CCDC97: variants seen among roughly 807,000 people sequenced by gnomAD.
CCDC97 encodes the protein coiled-coil domain-containing protein 97.
A neutral mutation model predicts 33.9 loss-of-function variants in CCDC97; 27 were observed. The observed-to-expected ratio is 0.80, with a 90% CI of 0.59 to 1.10. CCDC97 has a LOEUF of 1.10. Among genes scored for constraint, CCDC97 ranks in the 50% least tolerant of loss-of-function variants. The pLI is 0.00. For missense variants in CCDC97, 422 were observed against 476.6 expected, an observed-to-expected ratio of 0.89 and a Z score of 1.07; for synonymous variants, 217 against 194.0, an observed-to-expected ratio of 1.12 and a Z score of -0.99.
At position 41,324,204 on chromosome 19, in the gene CCDC97, G is replaced by A. The variant is rs2037858804; in HGVS notation, c.*1489G>A. The A allele has an allele frequency of 6.6e-6, 1 of 152,240 alleles. No individual in the cohort carries two copies. The highest frequency in any genetic ancestry group is 1.5e-5 in the Non-Finnish European group (1 of 68,054). The allele number at this position is 152,240 out of a possible 1,614,324, so 9.4% of individuals were successfully genotyped here. On this transcript the variant is annotated 3_prime_UTR_variant, in exon 5 of 5. Transcript: ENST00000269967. ...ATTAAAGAACGAAAGCCTCTGCTAC[G>A]GAGCGCTTCTGTCCTCTGTCAGGCC...
rs1197622553 is a variant in CCDC97 at position 41,310,272 on chromosome 19, G to A, written c.-39G>A. 1.3e-6 allele frequency: 2 copies of A among 1,575,684 alleles called. No homozygotes were observed. The highest frequency in any genetic ancestry group is 2.7e-5 in the African/African-American group (2 of 74,092). ...GTGCGTGGGCCGGAGGTTAGTGTGC[G>A]GGGCCCGCCGGGCGGTTGAAAAGTC... is the stretch of plus-strand genomic sequence containing the variant. On this transcript the variant is annotated 5_prime_UTR_variant, in exon 1 of 5. Coordinates refer to ENST00000269967, the MANE Select transcript of CCDC97 (RefSeq NM_052848.3).
rs1243129487 is a variant in CCDC97, at chr19:41,316,598, G to C, written c.261G>C (p.Leu87Phe). 6.2e-7 allele frequency: 1 copy of C among 1,614,238 alleles called. No homozygotes were observed. Among genetic ancestry groups the C allele is most frequent in the South Asian group, 1.1e-5 (1 of 91,084 alleles). The change falls in exon 2 of 5, where the codon TTG (leucine) becomes TTC (phenylalanine). Residue 87 changes from leucine to phenylalanine, a missense_variant. Coordinates refer to ENST00000269967, the MANE Select transcript of CCDC97 (RefSeq NM_052848.3). Reference protein sequence around the residue: ...VCSQQQGEPDLTEHEKVAILA... With the variant: ...VCSQQQGEPDFTEHEKVAILA... ...GCCAGCAGCAGGGTGAACCCGACTT[G>C]ACAGAGCATGAGAAAGTGGCCATCC...
chr19:41,316,331 C>T (rs1408185155), intron 1 of CCDC97, 53 bp from the exon 2 acceptor site: 1 of 1,417,594 alleles, frequency 7.1e-7, no homozygotes, highest in Non-Finnish European at 9.8e-7. Context: ...ACTAAGCCCC[C>T]AGTCCCTTCC....
chr19:41,321,415 T>C (rs1319491739), intron 4 of CCDC97, among the ~76,000 whole-genome samples: 1 of 152,242 alleles, frequency 6.6e-6, no homozygotes, highest in Non-Finnish European at 1.5e-5. Context: ...GACCACAGTG[T>C]GTTGCCTCGG....
At chr19:41,311,071 A>G (rs1026025412) in intron 1 of CCDC97, 3 of 188,324 alleles carry the variant, frequency 1.6e-5, no homozygotes, top group Admixed American at 1.3e-4. Context: ...GAAATTTTCT[A>G]AAAATAAAAA....
rs1193074741 is a variant in CCDC97, at chr19:41,322,946, GTGTC to G, written c.*238_*241del. The G allele has an allele frequency of 1.3e-5, 5 of 380,678 alleles. No individual in the cohort carries two copies. Among genetic ancestry groups the G allele is most frequent in the East Asian group, 5.0e-5 (1 of 20,094 alleles). The allele number at this position is 380,678 out of a possible 1,614,324, so 23.6% of individuals were successfully genotyped here. ...CTGTCTCCTGCCTCTGTCTTTCTTG[GTGTC>G]TGTCTGGGCTTCTTTCTGTCTCTTT... is the stretch of plus-strand genomic sequence containing the variant. On this transcript the variant is annotated 3_prime_UTR_variant, in exon 5 of 5. Coordinates refer to ENST00000269967, the MANE Select transcript of CCDC97 (RefSeq NM_052848.3).
At chr19:41,318,977 A>G (rs1331157000) in intron 2 of CCDC97, among the ~76,000 whole-genome samples, 2 of 152,194 alleles carry the variant, frequency 1.3e-5, no homozygotes, top group Non-Finnish European at 2.9e-5. Context: ...AGAGACACAC[A>G]ACTTCTGCTG....
At chr19:41,321,455 C>T (rs1223045362) in intron 4 of CCDC97, among the ~76,000 whole-genome samples, 2 of 152,244 alleles carry the variant, frequency 1.3e-5, no homozygotes, top group African/African-American at 2.4e-5. Context: ...ACGTGTCCCC[C>T]ATCCGTGCAT....
intron 1 of CCDC97, among the ~76,000 whole-genome samples, chr19:41,311,723 C>CA (rs2037687401): frequency 1.3e-5 from 2 of 150,498 alleles, no homozygotes; most frequent in East Asian, 3.9e-4. Context: ...GGTAACAGAG[C>CA]AAAACTCTGT....
At chr19:41,321,705 G>T (rs539750960) in intron 4 of CCDC97, among the ~76,000 whole-genome samples, 1 of 152,330 alleles carries the variant, frequency 6.6e-6, no homozygotes, top group East Asian at 1.9e-4. Context: ...TGCAGGAAGT[G>T]GGAGGAGCAT....
chr19:41,316,259 C>T (rs2037744248), intron 1 of CCDC97, 125 bp from the exon 2 acceptor site: 1 of 699,756 alleles, frequency 1.4e-6, no homozygotes, highest in African/African-American at 1.8e-5. Flanking sequence ...TGTGGTTTCT[C>T]TAGTGCCCAG....
At chr19:41,321,148 G>A (rs1044359221) in intron 4 of CCDC97, among the ~76,000 whole-genome samples, 3 of 152,250 alleles carry the variant, frequency 2.0e-5, no homozygotes, top group African/African-American at 7.2e-5. Flanking sequence ...CCTGAGGTGG[G>A]CTCATCAGGA....
intron 2 of CCDC97, 114 bp from the exon 3 acceptor site, chr19:41,319,460 C>T (rs1005394860): frequency 9.2e-5 from 71 of 774,724 alleles, no homozygotes; most frequent in Admixed American, 6.1e-4. Context: ...TGTGCATACA[C>T]ACACTTGGAC....
intron 1 of CCDC97, among the ~76,000 whole-genome samples, chr19:41,315,920 C>T (rs1000491727): frequency 6.6e-6 from 1 of 151,992 alleles, no homozygotes; most frequent in African/African-American, 2.4e-5. Flanking sequence ...ATGTCAATAC[C>T]CTGTCTCTAC....
At chr19:41,320,737 A>C in intron 4 of CCDC97, 1 of 370,222 alleles carries the variant, frequency 2.7e-6, no homozygotes, top group South Asian at 3.0e-5. Context: ...AAACCCTGAA[A>C]CACTTCCCTC....
chr19:41,310,667 C>T lies in CCDC97; in HGVS notation c.46+311C>T, dbSNP rs1343471724. 5 of 1,302,872 alleles carry T rather than the reference C, an allele frequency of 3.8e-6. No homozygotes were observed. The African/African-American group carries it at 7.4e-5, about 19-fold the overall frequency. 80.7% of individuals were successfully genotyped at this position (1,302,872 alleles called of 1,614,324 possible). Reference sequence around the variant, plus strand: ...AAACCTCTCTACCCCGGCCTAATTCCTGCATTGCCTCAGACCAGCCCTTCT... The same window carrying T: ...AAACCTCTCTACCCCGGCCTAATTCTTGCATTGCCTCAGACCAGCCCTTCT... On this transcript the variant is annotated intron_variant, in intron 1 of 4. Coordinates refer to ENST00000269967, the MANE Select transcript of CCDC97 (RefSeq NM_052848.3).
chr19:41,319,777 C>T lies in CCDC97; in HGVS notation c.706C>T (p.Arg236Cys), dbSNP rs1250007615. The T allele has an allele frequency of 9.3e-6, 15 of 1,612,772 alleles. No individual in the cohort carries two copies. The highest frequency in any genetic ancestry group is 1.7e-4 in the Middle Eastern group (1 of 6,052). ...QSYEERELQQRLLQQQEEEEA... is the reference protein window; with the variant it reads ...QSYEERELQQCLLQQQEEEEA... ...CTACGAGGAGCGGGAGCTACAGCAGCGTCTGCTCCAACAGCAGGAGGAGGA... is the reference window on the plus strand; with the variant it reads ...CTACGAGGAGCGGGAGCTACAGCAGTGTCTGCTCCAACAGCAGGAGGAGGA... The change falls in exon 3 of 5, where the codon CGT becomes TGT. Residue 236 changes from arginine to cysteine, a missense_variant. By Grantham distance (180) the Arg-to-Cys change is radical (BLOSUM62 -3). Transcript: ENST00000269967.
chr19:41,314,179 T>G (rs915723447), intron 1 of CCDC97, among the ~76,000 whole-genome samples: 16 of 151,344 alleles, frequency 1.1e-4, no homozygotes, highest in Non-Finnish European at 1.8e-4. Flanking sequence ...AGAGTTTTGC[T>G]CTTGTTGCCC....
At chr19:41,310,863 CTCCTTTCAAAG>C in intron 1 of CCDC97, 16 of 988,912 alleles carry the variant, frequency 1.6e-5, no homozygotes, top group Non-Finnish European at 1.9e-5. Flanking sequence ...TCCAGCCAGG[CTCCTTTCAAAG>C]TCCTTACTCA....
Sources: allele counts gnomAD v4.1 joint callset (sites outside exome capture counted in the v4.1 genomes callset), GRCh38; gene constraint gnomAD v4.1.1; transcripts MANE v1.5; gene names NCBI Gene and HGNC (gene_info 2026-07-23, HGNC 2026-07-21).